CAMTA1: variants seen among roughly 807,000 people sequenced by gnomAD.
The protein encoded by CAMTA1 is calmodulin-binding transcription activator 1.
Under a neutral mutation model 170.9 loss-of-function variants are expected in CAMTA1, and 27 were observed. That is an observed-to-expected ratio of 0.16 (90% confidence interval 0.12 to 0.22). CAMTA1 has a LOEUF of 0.22. Among genes scored for constraint, CAMTA1 ranks in the 10% least tolerant of loss-of-function variants. The pLI is 1.00. For synonymous variants in CAMTA1, 833 were observed against 891.5 expected (o/e 0.93, Z 1.17); for missense variants, 1,619 against 2,217.2 (o/e 0.73, Z 5.42).
At chr1:6,799,861 G>GA (rs1276810259) in intron 1 of CAMTA1, among the ~76,000 whole-genome samples, 1 of 152,124 alleles carries the variant, frequency 6.6e-6, no homozygotes, top group Non-Finnish European at 1.5e-5. Flanking sequence ...CCATGGATAA[G>GA]AGGGGGACTA....
intron 5 of CAMTA1, among the ~76,000 whole-genome samples, chr1:7,326,671 A>T (rs1435419641): frequency 6.6e-6 from 1 of 152,174 alleles, no homozygotes; most frequent in Non-Finnish European, 1.5e-5. Context: ...ATAAGAAAAG[A>T]TTCTCCCTCA....
chr1:7,268,947 A>G (rs572539318), intron 5 of CAMTA1, among the ~76,000 whole-genome samples: 100 of 152,352 alleles, frequency 6.6e-4, no homozygotes, highest in Middle Eastern at 3.4e-3. Flanking sequence ...ACCATAATAT[A>G]TAAGAAGAAC....
At chr1:7,002,712 A>G (rs1337057356) in intron 3 of CAMTA1, among the ~76,000 whole-genome samples, 2 of 152,202 alleles carry the variant, frequency 1.3e-5, no homozygotes, top group African/African-American at 2.4e-5. Context: ...CATCTAGCCC[A>G]TGTGCCTTCA....
intron 1 of CAMTA1, among the ~76,000 whole-genome samples, chr1:6,814,122 G>C (rs1222982436): frequency 6.6e-6 from 1 of 152,136 alleles, no homozygotes; most frequent in Non-Finnish European, 1.5e-5. Context: ...GAGTATGTTA[G>C]GAAAATATTT....
chr1:7,574,643 C>T lies in CAMTA1; in HGVS notation c.511-65757C>T, dbSNP rs546650455. On this transcript the variant is annotated intron_variant, in intron 6 of 22. Transcript: ENST00000303635. ...CTGTTTATTTAGCTTCCTCTCGACG[C>T]GATGCAGAGAGGTCCGCCTGGCCAG... 1.2e-3 allele frequency among the ~76,000 whole-genome samples: 183 copies of T among 152,292 alleles called. 1 individual carries two copies. The highest frequency in any genetic ancestry group is 4.1e-3 in the African/African-American group (171 of 41,558).
chr1:7,582,277 CCTT>C (rs1281200839), intron 6 of CAMTA1, among the ~76,000 whole-genome samples: 2 of 152,142 alleles, frequency 1.3e-5, no homozygotes, highest in East Asian at 3.9e-4. Flanking sequence ...AGCTCTCTGT[CCTT>C]CTGATAATGC....
At chr1:6,902,078 A>ATAAT (rs1553180479) in intron 3 of CAMTA1, among the ~76,000 whole-genome samples, 3 of 86,498 alleles carry the variant, frequency 3.5e-5, no homozygotes, top group African/African-American at 1.0e-4. Flanking sequence ...CACACAAAAA[A>ATAAT]AAAAATAAAA....
chr1:7,172,790 T>C (rs1208241114), intron 4 of CAMTA1, among the ~76,000 whole-genome samples: 1 of 152,180 alleles, frequency 6.6e-6, no homozygotes, highest in East Asian at 1.9e-4. Context: ...ATGCCCGTGA[T>C]GGCTGGCATC....
intron 5 of CAMTA1, among the ~76,000 whole-genome samples, chr1:7,424,523 CACTT>C (rs1406471445): frequency 6.6e-6 from 1 of 152,048 alleles, no homozygotes; most frequent in Non-Finnish European, 1.5e-5. Context: ...ACTCCCATCC[CACTT>C]GCTGCATGGG....
chr1:7,180,583 G>A (rs530495544), intron 4 of CAMTA1, among the ~76,000 whole-genome samples: 19 of 134,746 alleles, frequency 1.4e-4, no homozygotes, highest in South Asian at 4.8e-4. Context: ...GTGTAATAAC[G>A]GCTCACTGCA....
At chr1:7,507,139 C>T (rs1457740845) in intron 6 of CAMTA1, among the ~76,000 whole-genome samples, 1 of 148,796 alleles carries the variant, frequency 6.7e-6, no homozygotes, top group Admixed American at 6.6e-5. Flanking sequence ...TTCACACACT[C>T]ACACTCACTC....
intron 1 of CAMTA1, among the ~76,000 whole-genome samples, chr1:6,791,699 T>C (rs547785017): frequency 1.3e-5 from 2 of 152,372 alleles, no homozygotes; most frequent in South Asian, 2.1e-4. Flanking sequence ...CTACTTTGTC[T>C]GTGTAACTTG....
chr1:7,437,900 G>A (rs1242604963), intron 5 of CAMTA1, among the ~76,000 whole-genome samples: 1 of 152,226 alleles, frequency 6.6e-6, no homozygotes, highest in Non-Finnish European at 1.5e-5. Context: ...TTACCACCTG[G>A]GTCTTGCTTT....
chr1:7,571,184 C>A (rs994901144), intron 6 of CAMTA1, among the ~76,000 whole-genome samples: 1 of 152,172 alleles, frequency 6.6e-6, no homozygotes, highest in East Asian at 1.9e-4. Flanking sequence ...GATCAAGGTC[C>A]CAGTAGACTT....
intron 4 of CAMTA1, among the ~76,000 whole-genome samples, chr1:7,245,411 A>G (rs965630332): frequency 2.6e-5 from 4 of 151,662 alleles, no homozygotes; most frequent in African/African-American, 9.7e-5. Flanking sequence ...TAATACATAT[A>G]ACAGATCTTA....
At chr1:6,786,595 A>T (rs1483561829) in intron 1 of CAMTA1, among the ~76,000 whole-genome samples, 1 of 152,136 alleles carries the variant, frequency 6.6e-6, no homozygotes, top group Non-Finnish European at 1.5e-5. Flanking sequence ...TCATTTCTAA[A>T]TAGGAAAGCA....
chr1:7,499,873 T>C (rs1347395432), intron 6 of CAMTA1, among the ~76,000 whole-genome samples: 6 of 136,966 alleles, frequency 4.4e-5, no homozygotes, highest in African/African-American at 1.7e-4. Context: ...TATAGAGGAT[T>C]GTGTGAGCCT....
At chr1:7,139,162 T>A (rs1168024037) in intron 4 of CAMTA1, among the ~76,000 whole-genome samples, 11 of 140,242 alleles carry the variant, frequency 7.8e-5, no homozygotes, top group African/African-American at 2.6e-4. Flanking sequence ...AATATAAATA[T>A]ATATAAATAT....
At chr1:7,003,698 G>C (rs149896737) in intron 3 of CAMTA1, among the ~76,000 whole-genome samples, 21 of 152,292 alleles carry the variant, frequency 1.4e-4, no homozygotes, top group African/African-American at 4.8e-4. Flanking sequence ...GGCCACAGAG[G>C]TACTTTGTTC....
Sources: allele counts gnomAD v4.1 joint callset (sites outside exome capture counted in the v4.1 genomes callset), GRCh38; gene constraint gnomAD v4.1.1; transcripts MANE v1.5; gene names NCBI Gene and HGNC (gene_info 2026-07-23, HGNC 2026-07-21).